FAT2: variants seen among roughly 807,000 people sequenced by gnomAD.
FAT2 encodes FAT atypical cadherin 2, also known as protocadherin Fat 2.
In FAT2, 150 loss-of-function variants were observed where a neutral mutation model predicts 295.3. The ratio of observed to expected loss-of-function variants is 0.51; its 90% CI spans 0.44 to 0.58. FAT2 has a LOEUF of 0.58. Among genes scored for constraint, FAT2 ranks in the 20% least tolerant of loss-of-function variants. The pLI is 0.00. For missense variants in FAT2, 4,868 were observed against 5,442.7 expected, an observed-to-expected ratio of 0.89 and a Z score of 3.32; for synonymous variants, 2,026 against 2,150.3, an observed-to-expected ratio of 0.94 and a Z score of 1.60.
chr5:151,537,211 G>A (rs1355731443), intron 12 of FAT2, among the ~76,000 whole-genome samples: 4 of 135,984 alleles, frequency 2.9e-5, no homozygotes, highest in Non-Finnish European at 4.9e-5. Context: ...AAGAAGAAGA[G>A]GAAGAAGAAG....
At chr5:151,594,727 C>G (rs908725470), upstream of FAT2, among the ~76,000 whole-genome samples, 1 of 152,202 alleles carries the variant, frequency 6.6e-6, no homozygotes, top group African/African-American at 2.4e-5. Flanking sequence ...TAGAGCAATA[C>G]AGCCACACTC....
Position 151,531,793 on chromosome 5 carries a change from C to T in FAT2, c.9605G>A (p.Gly3202Asp), listed in dbSNP as rs767876381. 1.6e-5 allele frequency: 25 copies of T among 1,612,814 alleles called. 1 individual carries two copies. The Admixed American group carries it at 3.2e-4, about 20-fold the overall frequency. ...GCCCACCACCGAGACTGTGACGGTG[C>T]CCAGCGTGGACAGCGGTATTGGGGT... ...LGTPIPLSTL[G>D]TVTVSVVGLE... The change falls in exon 14 of 24, where the codon GGC (glycine) becomes GAC (aspartate). Residue 3202 changes from glycine (G) to aspartate (D), a missense_variant. Physicochemically the swap from Gly to Asp is moderately conservative, Grantham distance 94 (BLOSUM62 -1). This residue lies in a region of FAT2 where 1,046 missense variants were observed against 1,210.1 expected (regional missense o/e 0.86). Transcript: ENST00000261800. The surrounding 1 kb of genome is among the most constrained non-coding windows in gnomAD (Gnocchi z 5.7).
intron 8 of FAT2, 62 bp downstream of exon 8, chr5:151,550,528 C>T (rs911182810): frequency 6.4e-6 from 10 of 1,559,546 alleles, no homozygotes; most frequent in Non-Finnish European, 8.8e-6. Flanking sequence ...TGTCTCCAAG[C>T]ATGTCCACCC....
Position 151,514,543 on chromosome 5 carries a change from T to C in FAT2, c.11464-1937A>G, listed in dbSNP as rs553368990. ...ACATGGCTGGAGAAAAACGTGCAGC[T>C]TTGCTCACGAGCCTCTCTTTAATTT... On this transcript the variant is annotated intron_variant, in intron 20 of 23. Transcript: ENST00000261800. 2.6e-5 allele frequency among the ~76,000 whole-genome samples: 4 copies of C among 152,394 alleles called. No individual in the cohort carries two copies. The South Asian group carries it at 8.3e-4, about 32-fold the overall frequency.
intron 15 of FAT2, 98 bp downstream of exon 15, chr5:151,529,080 T>G (rs1754319708): frequency 9.7e-7 from 1 of 1,034,568 alleles, no homozygotes; most frequent in Admixed American, 1.9e-5. Context: ...ATTAACTTAA[T>G]AAACTAATCC....
intron 7 of FAT2, 24 bp from the exon 8 acceptor site, chr5:151,550,895 G>A (rs371444860): frequency 6.8e-6 from 11 of 1,607,288 alleles, no homozygotes; most frequent in Non-Finnish European, 8.5e-6. Flanking sequence ...TGAGGGAGAA[G>A]GTGCACTGCA....
In FAT2 at chr5:151,531,398, C is replaced by T. The variant is rs969175836; in HGVS notation, c.9811+189G>A. Among the ~76,000 whole-genome samples the T allele has an allele frequency of 6.6e-6, 1 of 152,086 alleles. No individual in the cohort carries two copies. The highest frequency in any genetic ancestry group is 1.5e-5 in the Non-Finnish European group (1 of 67,994). The stretch of plus-strand genomic sequence containing the variant: ...GGGTCCCGTTTAAGGGAGGCTCCCA[C>T]ATAAGCTGGCCCCAGGGTGGAAGGA... On this transcript the variant is annotated intron_variant, in intron 14 of 23. Coordinates refer to ENST00000261800, the MANE Select transcript of FAT2 (RefSeq NM_001447.3). This position sits in a 1 kb window ranked among gnomAD's most constrained non-coding sequence, Gnocchi z 5.7.
chr5:151,574,757 C>A (rs1485717734), intron 1 of FAT2, among the ~76,000 whole-genome samples: 2 of 152,234 alleles, frequency 1.3e-5, no homozygotes, highest in Non-Finnish European at 1.5e-5. Context: ...ACTTAATCTA[C>A]TTCCAAGAAA....
At chr5:151,527,933 C>A in intron 16 of FAT2, 63 bp downstream of exon 16, 1 of 1,574,124 alleles carries the variant, frequency 6.4e-7, no homozygotes. Flanking sequence ...ATCTTCTGGA[C>A]CTGCAGTGGG....
rs1754108437 is a variant in FAT2 at position 151,527,229 on chromosome 5, C to G, written c.10308+5G>C. 1 of 1,599,050 alleles carries G rather than the reference C, an allele frequency of 6.3e-7. No individual in the cohort carries two copies. Reference sequence around the variant, plus strand: ...GCTCAGGGTGCCTTGGAGGCTCAAGCTTACCTGGACAGTGGTGCTGTAGTT... The same window carrying G: ...GCTCAGGGTGCCTTGGAGGCTCAAGGTTACCTGGACAGTGGTGCTGTAGTT... On this transcript the variant is annotated splice_donor_5th_base_variant and intron_variant, in intron 17 of 23. Coordinates refer to ENST00000261800, the MANE Select transcript of FAT2 (RefSeq NM_001447.3).
chr5:151,510,199 G>A (rs1423680096), intron 21 of FAT2, 25 bp from the exon 22 acceptor site: 2 of 1,613,216 alleles, frequency 1.2e-6, no homozygotes, highest in East Asian at 2.2e-5. Context: ...AGGGAGGTGA[G>A]AGACCGCACT....
chr5:151,562,019 G>C (rs185704999), intron 3 of FAT2, among the ~76,000 whole-genome samples: 2 of 152,250 alleles, frequency 1.3e-5, no homozygotes, highest in Non-Finnish European at 2.9e-5. Flanking sequence ...GGAGGGACAG[G>C]GTAGGCCCAG....
At chr5:151,580,307 C>T (rs558880093) in intron 1 of FAT2, among the ~76,000 whole-genome samples, 30 of 152,316 alleles carry the variant, frequency 2.0e-4, no homozygotes, top group South Asian at 1.0e-3. Context: ...AGTACTGCCT[C>T]CACTTGCATT....
chr5:151,527,180 AG>A, intron 17 of FAT2, 53 bp downstream of exon 17: 1 of 1,533,456 alleles, frequency 6.5e-7, no homozygotes, highest in Non-Finnish European at 8.8e-7. Flanking sequence ...ATCTTCTGCT[AG>A]AAGGGAAATG....
At chr5:151,564,592 G>T (rs1758165477) in intron 2 of FAT2, among the ~76,000 whole-genome samples, 2 of 152,098 alleles carry the variant, frequency 1.3e-5, no homozygotes, top group African/African-American at 4.8e-5. Flanking sequence ...TATTCACGTG[G>T]GATCTCCCCC....
At position 151,566,317 on chromosome 5, in the gene FAT2, G is replaced by T; in HGVS notation, c.2615C>A (p.Thr872Asn). The change falls in exon 2 of 24, where the codon ACT becomes AAT. Residue 872 changes from threonine to asparagine, a missense_variant. Physicochemically the swap from Thr to Asn is moderately conservative, Grantham distance 65 (BLOSUM62 0). Coordinates refer to ENST00000261800, the MANE Select transcript of FAT2 (RefSeq NM_001447.3). ...PTEKFSLHPL[T>N]GELVVTGHLD... ...GTGTCCTGTAACAACCAGTTCCCCA[G>T]TGAGAGGGTGGAGGGAGAACTTCTC... The T allele has an allele frequency of 6.2e-7, 1 of 1,614,154 alleles. No individual in the cohort carries two copies. Among genetic ancestry groups the T allele is most frequent in the South Asian group, 1.1e-5 (1 of 91,064 alleles).
intron 1 of FAT2, among the ~76,000 whole-genome samples, chr5:151,587,172 A>T (rs1025409157): frequency 6.6e-6 from 1 of 151,986 alleles, no homozygotes; most frequent in Non-Finnish European, 1.5e-5. Context: ...AAAACAAAAA[A>T]AAAACAAAAA....
intron 6 of FAT2, 52 bp from the exon 7 acceptor site, chr5:151,551,658 A>G (rs1305832953): frequency 5.7e-6 from 9 of 1,592,766 alleles, no homozygotes; most frequent in Non-Finnish European, 6.9e-6. Flanking sequence ...TTTAGGCAGC[A>G]TAGCATAAGA....
Position 151,565,717 on chromosome 5 carries a change from C to A in FAT2, c.3215G>T (p.Arg1072Leu). Residue 1072 changes from arginine to leucine, a missense_variant, in exon 2 of 24, where the codon CGT becomes CTT. Arg to Leu is a moderately radical substitution (Grantham distance 102). This residue lies in a region of FAT2 where 3,297 missense variants were observed against 3,669.4 expected (regional missense o/e 0.90). Transcript: ENST00000261800. Reference protein sequence around the residue: ...GLDGELQYFLRAGTGLAAFSI... With the variant: ...GLDGELQYFLLAGTGLAAFSI... ...GAAGGCTGCGAGTCCAGTGCCAGCA[C>A]GCAGGAAGTACTGGAGCTCCCCATC... The A allele has an allele frequency of 3.1e-6, 5 of 1,609,048 alleles. No individual in the cohort carries two copies. The highest frequency in any genetic ancestry group is 4.2e-6 in the Non-Finnish European group (5 of 1,177,074).
Sources: gnomAD v4.1 joint callset for allele counts (sites outside exome capture counted in the v4.1 genomes callset) on GRCh38, gnomAD v4.1.1 for gene constraint, gnomAD v4.1.1 regional missense constraint, Gnocchi (gnomAD v3.1) non-coding constraint, MANE v1.5 for transcripts, NCBI Gene and HGNC (gene_info 2026-07-23, HGNC 2026-07-21) for gene names.